Variants in RNF128 observed in about 807,000 individuals in gnomAD.
RNF128 encodes the protein E3 ubiquitin-protein ligase RNF128.
In RNF128, 13 loss-of-function variants were observed where a neutral mutation model predicts 26.2. The ratio of observed to expected loss-of-function variants is 0.50; its 90% CI spans 0.32 to 0.79. RNF128 has a LOEUF of 0.79. RNF128 is among the 30% of genes least tolerant of loss of function. The probability of loss-of-function intolerance (pLI) is 0.03; values close to 1 mark genes in which losing one functional copy is unlikely to be tolerated. For missense variants in RNF128, 315 were observed against 349.7 expected, an observed-to-expected ratio of 0.90 and a Z score of 0.79; for synonymous variants, 149 against 142.5, an observed-to-expected ratio of 1.05 and a Z score of -0.32.
intron 2 of RNF128, among the ~76,000 whole-genome samples, chrX:106,778,628 C>T (rs1041165353): frequency 9.0e-5 from 10 of 111,554 alleles, no homozygotes; most frequent in Non-Finnish European, 1.7e-4. Flanking sequence ...CCTCAGTTTC[C>T]GGCAACATGG....
intron 1 of RNF128, among the ~76,000 whole-genome samples, chrX:106,748,406 G>A (rs990618161): frequency 8.9e-6 from 1 of 112,076 alleles, no homozygotes; most frequent in East Asian, 2.8e-4. Context: ...TATGGTTTCT[G>A]TTCATTGGAC....
intron 1 of RNF128, among the ~76,000 whole-genome samples, chrX:106,761,419 C>CATT (rs1425018730): frequency 8.9e-6 from 1 of 111,816 alleles, no homozygotes; most frequent in African/African-American, 3.2e-5. Flanking sequence ...ACAGCAATCC[C>CATT]ATTATTGGGT....
chrX:106,750,447 T>C (rs182040409), intron 1 of RNF128, among the ~76,000 whole-genome samples: 1 of 111,964 alleles, frequency 8.9e-6, no homozygotes, highest in Admixed American at 9.5e-5. Flanking sequence ...GTCAAACTTA[T>C]CATTAATGGG....
At chrX:106,729,086 A>G (rs1299888625) in intron 1 of RNF128, among the ~76,000 whole-genome samples, 1 of 111,952 alleles carries the variant, frequency 8.9e-6, no homozygotes, top group Non-Finnish European at 1.9e-5. Context: ...AAGAGTATTT[A>G]ATTACAGAGT....
At position 106,795,773 on chromosome X, in the gene RNF128, A is replaced by C. The variant is rs760147738; in HGVS notation, c.*60A>C. On this transcript the variant is annotated 3_prime_UTR_variant, in exon 7 of 7. Transcript: ENST00000255499. ...ATAACAGAACTGCCAATCAGGGCCT[A>C]GTTTCTATTAATAAATTGGATAAAT... is the stretch of plus-strand genomic sequence containing the variant. 1.1e-6 allele frequency: 1 copy of C among 942,797 alleles called. No homozygotes were observed. The highest frequency in any genetic ancestry group is 3.2e-5 in the Admixed American group (1 of 31,214). 77.7% of individuals were successfully genotyped at this position (942,797 alleles called of 1,213,427 possible). A position where few individuals can be genotyped will look rare whatever the true frequency, so the allele number is the denominator to read the frequency against.
At chrX:106,756,205 A>C (rs1171129623) in intron 1 of RNF128, among the ~76,000 whole-genome samples, 1 of 111,506 alleles carries the variant, frequency 9.0e-6, no homozygotes, top group Non-Finnish European at 1.9e-5. Flanking sequence ...CAAGCTACCA[A>C]TGCCTTTCTT....
chrX:106,790,367 AT>A (rs1441348019), intron 5 of RNF128, 85 bp downstream of exon 5: 1 of 612,157 alleles, frequency 1.6e-6, no homozygotes, highest in Non-Finnish European at 2.7e-6. Flanking sequence ...TTTTTTCGCT[AT>A]GTAATACACC....
chrX:106,708,573 G>A (rs1488383164), intron 1 of RNF128, among the ~76,000 whole-genome samples: 2 of 112,067 alleles, frequency 1.8e-5, no homozygotes, highest in African/African-American at 6.5e-5. Context: ...GGAGTGAGGA[G>A]ATTATTAAGT....
intron 6 of RNF128, among the ~76,000 whole-genome samples, chrX:106,795,379 A>T (rs770043961): frequency 8.9e-6 from 1 of 111,889 alleles, no homozygotes; most frequent in East Asian, 2.8e-4. Flanking sequence ...AAAAGCAATT[A>T]TAAATCAATA....
At chrX:106,699,248 C>T (rs749457865) in intron 1 of RNF128, among the ~76,000 whole-genome samples, 54 of 112,108 alleles carry the variant, frequency 4.8e-4, no homozygotes, top group African/African-American at 1.7e-3. Context: ...GGCCTTGAGC[C>T]TAGGCCTACA....
chrX:106,751,453 C>G (rs1478946376), intron 1 of RNF128, among the ~76,000 whole-genome samples: 1 of 110,790 alleles, frequency 9.0e-6, no homozygotes, highest in Non-Finnish European at 1.9e-5. Flanking sequence ...AGCTAAAGTG[C>G]CCTGGGGTCC....
intron 1 of RNF128, among the ~76,000 whole-genome samples, chrX:106,770,670 T>C (rs1218096657): frequency 9.0e-6 from 1 of 111,690 alleles, no homozygotes; most frequent in Admixed American, 9.5e-5. Context: ...TCAAGGTTTT[T>C]ACTTCTTTGC....
In RNF128 at chrX:106,784,729, G is replaced by A. The variant is rs189316688; in HGVS notation, c.733-336G>A. Among the ~76,000 whole-genome samples, 387 of 111,625 alleles carry A rather than the reference G, an allele frequency of 3.5e-3. 11 individuals carry two copies. The highest frequency in any genetic ancestry group is 4.0e-3 in the Non-Finnish European group (214 of 53,103). ...AATTGGAAAAAAAATGCATATTAAT[G>A]TCCTCTGAGCTTGCAAATAGGAAGA... On this transcript the variant is annotated intron_variant, in intron 2 of 6. Coordinates refer to ENST00000255499, the MANE Select transcript of RNF128 (RefSeq NM_194463.2).
chrX:106,738,531 G>A (rs897489498), intron 1 of RNF128, among the ~76,000 whole-genome samples: 1 of 111,444 alleles, frequency 9.0e-6, no homozygotes, highest in Non-Finnish European at 1.9e-5. Flanking sequence ...TCAAGAAACT[G>A]AAACGACTAT....
chrX:106,764,404 C>T (rs1411188351), intron 1 of RNF128, among the ~76,000 whole-genome samples: 1 of 110,931 alleles, frequency 9.0e-6, no homozygotes, highest in Non-Finnish European at 1.9e-5. Flanking sequence ...CAGTGGCTGA[C>T]GCCTCTAATC....
intron 1 of RNF128, among the ~76,000 whole-genome samples, chrX:106,736,757 G>T (rs767246876): frequency 3.2e-4 from 36 of 111,920 alleles, no homozygotes; most frequent in Non-Finnish European, 5.5e-4. Flanking sequence ...ACAAATATGG[G>T]TTAAATAATA....
intron 1 of RNF128, among the ~76,000 whole-genome samples, chrX:106,758,852 T>C (rs1228581057): frequency 9.0e-6 from 1 of 110,754 alleles, no homozygotes; most frequent in African/African-American, 3.3e-5. Context: ...CTGGGGAAAC[T>C]CTCCAGGACA....
At chrX:106,742,257 T>C (rs1470867086) in intron 1 of RNF128, among the ~76,000 whole-genome samples, 2 of 112,180 alleles carry the variant, frequency 1.8e-5, no homozygotes, top group Non-Finnish European at 3.8e-5. Context: ...GCAGAGTTTT[T>C]CTCTGCATGG....
At chrX:106,748,768 G>A (rs902300876) in intron 1 of RNF128, among the ~76,000 whole-genome samples, 5 of 111,233 alleles carry the variant, frequency 4.5e-5, no homozygotes, top group African/African-American at 1.6e-4. Flanking sequence ...GGCCAGGAAG[G>A]GGAGGGATGA....
Sources: allele counts gnomAD v4.1 joint callset (sites outside exome capture counted in the v4.1 genomes callset), GRCh38; gene constraint gnomAD v4.1.1; transcripts MANE v1.5; gene names NCBI Gene and HGNC (gene_info 2026-07-23, HGNC 2026-07-21).